Variants in PHKA2 observed in about 807,000 individuals in gnomAD.
The protein encoded by PHKA2 is phosphorylase kinase regulatory subunit alpha 2.
Under a neutral mutation model 102.0 loss-of-function variants are expected in PHKA2, and 31 were observed. The observed-to-expected ratio is 0.30, with a 90% CI of 0.23 to 0.41. The LOEUF (loss-of-function observed/expected upper bound fraction) is 0.41, where lower values mean the gene tolerates loss of function less well. Ranked by LOEUF, PHKA2 falls within the 10% of genes least tolerant of loss-of-function variation. PHKA2 has a pLI of 1.00. For synonymous variants in PHKA2, 455 were observed against 416.2 expected (o/e 1.09, Z -1.13); for missense variants, 858 against 1,023.1 (o/e 0.84, Z 2.20).
chrX:18,969,150 T>C (rs2048985164), intron 1 of PHKA2, among the ~76,000 whole-genome samples: 1 of 111,455 alleles, frequency 9.0e-6, no homozygotes, highest in Non-Finnish European at 1.9e-5. Flanking sequence ...CAAAATCTCA[T>C]TTCAATTCAA....
chrX:18,901,342 G>A, intron 27 of PHKA2, 143 bp downstream of exon 27: 3 of 539,262 alleles, frequency 5.6e-6, no homozygotes, highest in Non-Finnish European at 1.0e-5. Flanking sequence ...GGACAGGGGT[G>A]TGTTCAGATC....
intron 26 of PHKA2, 21 bp from the exon 27 acceptor site, chrX:18,901,624 C>G (rs771178452): frequency 2.8e-6 from 3 of 1,056,932 alleles, no homozygotes; most frequent in African/African-American, 1.9e-5. Context: ...AACACACACA[C>G]GTGGTTCTCA....
chrX:18,924,376 G>A lies in PHKA2; in HGVS notation c.1714+5C>T. Reference sequence around the variant, plus strand: ...GAGGGAGCCTGCTGAAATCCCTGGAGTTACTGAGCATGGTGCGACTGATGG... The same window carrying A: ...GAGGGAGCCTGCTGAAATCCCTGGAATTACTGAGCATGGTGCGACTGATGG... On this transcript the variant is annotated splice_donor_5th_base_variant and intron_variant, in intron 16 of 32. Transcript: ENST00000379942. The A allele has an allele frequency of 2.5e-6, 3 of 1,210,672 alleles. No homozygotes were observed. The highest frequency in any genetic ancestry group is 3.4e-6 in the Non-Finnish European group (3 of 894,882).
intron 31 of PHKA2, 191 bp downstream of exon 31, chrX:18,894,947 G>C (rs2047508563): frequency 4.9e-5 from 24 of 489,354 alleles, no homozygotes; most frequent in Middle Eastern, 4.0e-4. Context: ...TGAAGAAAAA[G>C]GCTGATGCCA....
chrX:18,960,888 G>A (rs1292848219), intron 1 of PHKA2, among the ~76,000 whole-genome samples: 1 of 112,573 alleles, frequency 8.9e-6, no homozygotes, highest in Non-Finnish European at 1.9e-5. Context: ...ACAGAACAGA[G>A]TCTAGAAATA....
At chrX:18,951,623 A>T (rs1006173301) in intron 3 of PHKA2, among the ~76,000 whole-genome samples, 4 of 111,626 alleles carry the variant, frequency 3.6e-5, no homozygotes, top group Non-Finnish European at 7.5e-5. Context: ...GAACCTGTTT[A>T]AATTTCAATT....
At chrX:18,926,658 C>G in intron 13 of PHKA2, 71 bp from the exon 14 acceptor site, 4 of 967,923 alleles carry the variant, frequency 4.1e-6, no homozygotes, top group Non-Finnish European at 4.4e-6. Flanking sequence ...GTGTTCCTTA[C>G]TGCCCTCTTC....
intron 32 of PHKA2, 44 bp downstream of exon 32, chrX:18,894,160 A>C: frequency 9.1e-7 from 1 of 1,103,260 alleles, no homozygotes; most frequent in Non-Finnish European, 1.3e-6. Context: ...CTCCAGCCTC[A>C]ACAGAGATAA....
chrX:18,975,782 T>A (rs781273306), intron 1 of PHKA2, among the ~76,000 whole-genome samples: 1 of 110,785 alleles, frequency 9.0e-6, no homozygotes, highest in African/African-American at 3.3e-5. Context: ...TGAGTCATCA[T>A]GCTCCAACTG....
chrX:18,956,052 G>A (rs756672708), intron 1 of PHKA2, among the ~76,000 whole-genome samples: 1 of 112,165 alleles, frequency 8.9e-6, no homozygotes, highest in East Asian at 2.8e-4. Flanking sequence ...GGCTGGGTAC[G>A]GTGGCTCACG....
chrX:18,921,090 C>A (rs2048111188), intron 17 of PHKA2, among the ~76,000 whole-genome samples: 1 of 111,171 alleles, frequency 9.0e-6, no homozygotes, highest in African/African-American at 3.3e-5. Flanking sequence ...GCACCCCCCC[C>A]AAGTGGATCC....
At chrX:18,969,916 C>CT (rs1183901562) in intron 1 of PHKA2, among the ~76,000 whole-genome samples, 2 of 112,323 alleles carry the variant, frequency 1.8e-5, no homozygotes, top group East Asian at 2.8e-4. Context: ...CTATAACTTG[C>CT]TTTTTTTACT....
chrX:18,908,684 G>A, intron 21 of PHKA2, 117 bp downstream of exon 21: 3 of 625,970 alleles, frequency 4.8e-6, no homozygotes, highest in Non-Finnish European at 8.1e-6. Flanking sequence ...ACATCAAATC[G>A]GCCTTGAGTT....
chrX:18,911,059 G>A, intron 19 of PHKA2, 99 bp from the exon 20 acceptor site: 1 of 504,017 alleles, frequency 2.0e-6, no homozygotes, highest in African/African-American at 2.3e-5. Flanking sequence ...AGGCTGGAGT[G>A]CACTGGTGTG....
chrX:18,905,227 G>GC (rs1420824381), intron 26 of PHKA2, among the ~76,000 whole-genome samples: 5 of 112,365 alleles, frequency 4.4e-5, no homozygotes, highest in Non-Finnish European at 9.4e-5. Flanking sequence ...AGGCTGGAGC[G>GC]CAGTGGCGCG....
chrX:18,956,865 T>C (rs925457301), intron 1 of PHKA2, among the ~76,000 whole-genome samples: 2 of 112,935 alleles, frequency 1.8e-5, no homozygotes, highest in African/African-American at 6.4e-5. Flanking sequence ...TGACCACAGA[T>C]TGGCAGATAC....
chrX:18,906,473 G>A, intron 25 of PHKA2, 22 bp downstream of exon 25: 1 of 1,210,736 alleles, frequency 8.3e-7, no homozygotes, highest in Non-Finnish European at 1.1e-6. Flanking sequence ...GGCGGGAGCT[G>A]CAGGAGCTGC....
intron 1 of PHKA2, among the ~76,000 whole-genome samples, chrX:18,980,802 G>A (rs867253294): frequency 9.9e-5 from 11 of 111,647 alleles, no homozygotes; most frequent in Admixed American, 4.8e-4. Context: ...TCAGTCTCTC[G>A]TCCCACTCGA....
rs141642508 is a variant in PHKA2 at position 18,924,233 on chromosome X, T to C, written c.1715-99A>G. ...CAACACCATCTAATTAAAATATTTCTGGCATAGAAGATTCCCGAGATAAGA... is the reference window on the plus strand; with the variant it reads ...CAACACCATCTAATTAAAATATTTCCGGCATAGAAGATTCCCGAGATAAGA... On this transcript the variant is annotated intron_variant, in intron 16 of 32. Coordinates refer to ENST00000379942, the MANE Select transcript of PHKA2 (RefSeq NM_000292.3). 711 of 925,051 alleles carry C rather than the reference T, an allele frequency of 7.7e-4. 4 individuals are homozygous for C. The African/African-American group carries it at 0.013, about 17-fold the overall frequency. 76.2% of individuals were successfully genotyped at this position (925,051 alleles called of 1,213,427 possible).
Sources: gnomAD v4.1 joint callset for allele counts (sites outside exome capture counted in the v4.1 genomes callset) on GRCh38, gnomAD v4.1.1 for gene constraint, MANE v1.5 for transcripts, NCBI Gene and HGNC (gene_info 2026-07-23, HGNC 2026-07-21) for gene names.